Variants in BMAL1 observed in about 807,000 individuals in gnomAD.
BMAL1 encodes basic helix-loop-helix ARNT-like protein 1.
chr11:13,367,562 G>A, the BMAL1 span, among the ~76,000 whole-genome samples: 1 of 152,152 alleles, frequency 6.6e-6, no homozygotes, highest in Admixed American at 6.5e-5. Context: ...TTAGACAGGT[G>A]TGGTGGTGCG....
At chr11:13,356,197 G>A in the BMAL1 span, 1 of 449,322 alleles carries the variant, frequency 2.2e-6, no homozygotes, top group Non-Finnish European at 4.5e-6. Context: ...CTGAGAAGCA[G>A]AATATTTGGC....
At chr11:13,386,669 A>T in the BMAL1 span, 1 of 1,614,210 alleles carries the variant, frequency 6.2e-7, no homozygotes. Context: ...ATGATGAGGC[A>T]GCAATGGCTG....
the BMAL1 span, chr11:13,372,488 C>T: frequency 7.1e-6 from 11 of 1,557,406 alleles, no homozygotes. Context: ...GAAGACTGGG[C>T]CATCAGCTGG....
At chr11:13,284,079 T>G in the BMAL1 span, among the ~76,000 whole-genome samples, 244 of 16,344 alleles carry the variant, frequency 0.015, 4 homozygotes, top group African/African-American at 0.026. Context: ...AGTGTTGGGG[T>G]GTGTGTGTGT....
chr11:13,385,027 G>T, the BMAL1 span, among the ~76,000 whole-genome samples: 3 of 152,118 alleles, frequency 2.0e-5, no homozygotes, highest in Admixed American at 6.6e-5. Context: ...TGCTGCTCCT[G>T]AAAGCAGCAG....
At chr11:13,352,670 A>C in the BMAL1 span, among the ~76,000 whole-genome samples, 17 of 152,224 alleles carry the variant, frequency 1.1e-4, no homozygotes, top group Admixed American at 6.5e-5. Context: ...GCAAGGAAAT[A>C]TATGCACAAA....
chr11:13,325,983 T>A, the BMAL1 span, among the ~76,000 whole-genome samples: 1 of 151,652 alleles, frequency 6.6e-6, no homozygotes, highest in Admixed American at 6.6e-5. Flanking sequence ...GGTGGGTGGA[T>A]CATGAGGTCA....
At chr11:13,354,286 T>G in the BMAL1 span, 1 of 1,479,932 alleles carries the variant, frequency 6.8e-7, no homozygotes, top group Non-Finnish European at 9.1e-7. Context: ...TTTGTGCCTC[T>G]TGTAACAATT....
the BMAL1 span, among the ~76,000 whole-genome samples, chr11:13,281,226 G>T: frequency 1.3e-5 from 2 of 152,128 alleles, no homozygotes; most frequent in Admixed American, 6.5e-5. Flanking sequence ...TGACTTAGGA[G>T]AGGAAGGATG....
At chr11:13,295,709 C>T in the BMAL1 span, among the ~76,000 whole-genome samples, 13 of 152,184 alleles carry the variant, frequency 8.5e-5, no homozygotes, top group South Asian at 2.1e-4. Flanking sequence ...TTAAAGAACA[C>T]GGAGCAAATT....
At chr11:13,333,406 G>A in the BMAL1 span, among the ~76,000 whole-genome samples, 1 of 152,166 alleles carries the variant, frequency 6.6e-6, no homozygotes, top group African/African-American at 2.4e-5. Context: ...AGCCATTACT[G>A]GTCATTCCTG....
the BMAL1 span, among the ~76,000 whole-genome samples, chr11:13,363,938 G>A: frequency 1.3e-5 from 2 of 152,188 alleles, no homozygotes; most frequent in Non-Finnish European, 2.9e-5. Context: ...CCTCGCTGAT[G>A]CATTCACTGC....
the BMAL1 span, among the ~76,000 whole-genome samples, chr11:13,313,372 AC>A: frequency 2.0e-5 from 3 of 151,980 alleles, no homozygotes; most frequent in Non-Finnish European, 4.4e-5. Context: ...TCTTGAAGAC[AC>A]CCGGATCTCC....
At chr11:13,385,827 G>A in the BMAL1 span, 1 of 1,492,892 alleles carries the variant, frequency 6.7e-7, no homozygotes, top group Non-Finnish European at 9.3e-7. Flanking sequence ...ATTGCAATGA[G>A]CTTGCAAAAC....
chr11:13,321,411 T>A, the BMAL1 span, among the ~76,000 whole-genome samples: 1 of 152,188 alleles, frequency 6.6e-6, no homozygotes, highest in Non-Finnish European at 1.5e-5. Context: ...CGTTCTTTCT[T>A]ATGGATGAAG....
the BMAL1 span, among the ~76,000 whole-genome samples, chr11:13,366,306 G>A: frequency 6.6e-6 from 1 of 152,208 alleles, no homozygotes; most frequent in Admixed American, 6.5e-5. Flanking sequence ...TGAAGCATAT[G>A]ATATGCGTGA....
the BMAL1 span, among the ~76,000 whole-genome samples, chr11:13,280,614 T>G: frequency 6.6e-6 from 1 of 152,214 alleles, no homozygotes; most frequent in African/African-American, 2.4e-5. Flanking sequence ...TGCAGGGAAG[T>G]AAAATATCCT....
At chr11:13,325,415 G>A in the BMAL1 span, among the ~76,000 whole-genome samples, 5 of 152,162 alleles carry the variant, frequency 3.3e-5, no homozygotes, top group African/African-American at 1.2e-4. Context: ...ATTTGATTCT[G>A]ATCTGACAAA....
chr11:13,308,810 A>G, the BMAL1 span, among the ~76,000 whole-genome samples: 3 of 152,218 alleles, frequency 2.0e-5, no homozygotes, highest in Non-Finnish European at 4.4e-5. Flanking sequence ...GCAGAAGGAA[A>G]CAGTGCTTCT....
Sources: allele counts gnomAD v4.1 joint callset (sites outside exome capture counted in the v4.1 genomes callset), GRCh38; gene constraint gnomAD v4.1.1; transcripts MANE v1.5; gene names NCBI Gene and HGNC (gene_info 2026-07-23, HGNC 2026-07-21).